The following SLC22A24 variants were observed in gnomAD, a reference collection of about 807,000 sequenced individuals.
The protein encoded by SLC22A24 is solute carrier family 22 member 24.
Under a neutral mutation model 49.8 loss-of-function variants are expected in SLC22A24, and 53 were observed. The ratio of observed to expected loss-of-function variants is 1.06; its 90% CI spans 0.85 to 1.34. The LOEUF (loss-of-function observed/expected upper bound fraction) is 1.34, where lower values mean the gene tolerates loss of function less well. SLC22A24 is among the 40% of genes most tolerant of loss of function. SLC22A24 has a pLI of 0.00. For synonymous variants in SLC22A24, 302 were observed against 256.4 expected (o/e 1.18, Z -1.70); for missense variants, 786 against 675.9 (o/e 1.16, Z -1.81).
At chr11:63,105,909 T>G (rs939871561) in intron 4 of SLC22A24, among the ~76,000 whole-genome samples, 1 of 147,136 alleles carries the variant, frequency 6.8e-6, no homozygotes, top group Non-Finnish European at 1.5e-5. Flanking sequence ...GTTGCCCTTT[T>G]AAAACTGAAT....
intron 6 of SLC22A24, among the ~76,000 whole-genome samples, chr11:63,094,388 C>G (rs1356620774): frequency 6.6e-6 from 1 of 151,958 alleles, no homozygotes; most frequent in African/African-American, 2.4e-5. Context: ...CATTGTTAGA[C>G]ATTTAGATTG....
intron 6 of SLC22A24, among the ~76,000 whole-genome samples, chr11:63,087,030 A>G (rs1260195543): frequency 5.9e-4 from 63 of 106,520 alleles, no homozygotes; most frequent in African/African-American, 9.2e-4. Context: ...GGGCGCACAC[A>G]CACACACACA....
intron 5 of SLC22A24, among the ~76,000 whole-genome samples, chr11:63,099,112 C>G (rs1192011353): frequency 6.6e-6 from 1 of 152,090 alleles, no homozygotes; most frequent in Non-Finnish European, 1.5e-5. Context: ...GACATTGAAG[C>G]CACAATACAA....
intron 2 of SLC22A24, among the ~76,000 whole-genome samples, chr11:63,132,210 T>C (rs887893791): frequency 6.6e-6 from 1 of 152,238 alleles, no homozygotes; most frequent in Non-Finnish European, 1.5e-5. Flanking sequence ...TTAGCTTCCT[T>C]GAAATGGGTT....
chr11:63,133,798 C>A (rs575518123), intron 2 of SLC22A24, among the ~76,000 whole-genome samples: 1 of 152,184 alleles, frequency 6.6e-6, no homozygotes, highest in Non-Finnish European at 1.5e-5. Context: ...GTGCCAGCCA[C>A]CATGCCAGGC....
chr11:63,129,038 T>C (rs1307082336), intron 2 of SLC22A24, among the ~76,000 whole-genome samples: 1 of 152,228 alleles, frequency 6.6e-6, no homozygotes, highest in Non-Finnish European at 1.5e-5. Context: ...GTTTTAGTCA[T>C]GAAGTCTTTG....
intron 4 of SLC22A24, among the ~76,000 whole-genome samples, chr11:63,117,704 T>C (rs2087221456): frequency 6.6e-6 from 1 of 152,228 alleles, no homozygotes; most frequent in Non-Finnish European, 1.5e-5. Context: ...AATAACATTT[T>C]CTTTTCTCTA....
chr11:63,093,436 C>T (rs1490154743), intron 6 of SLC22A24, among the ~76,000 whole-genome samples: 1 of 152,056 alleles, frequency 6.6e-6, no homozygotes, highest in African/African-American at 2.4e-5. Context: ...AGTCTTGGAA[C>T]CAACCCAAAG....
chr11:63,112,367 C>T (rs59715658), intron 4 of SLC22A24, among the ~76,000 whole-genome samples: 16 of 152,116 alleles, frequency 1.1e-4, no homozygotes, highest in African/African-American at 1.4e-4. Context: ...CTATTAGGTC[C>T]GGTTGGTGCA....
chr11:63,138,641 C>CA (rs59726580), intron 1 of SLC22A24, among the ~76,000 whole-genome samples: 5 of 60,766 alleles, frequency 8.2e-5, no homozygotes, highest in African/African-American at 3.3e-4. Context: ...GACTCTGTCT[C>CA]AAAAAAAAAA....
At chr11:63,128,329 T>G (rs1477407502) in intron 2 of SLC22A24, among the ~76,000 whole-genome samples, 1 of 151,952 alleles carries the variant, frequency 6.6e-6, no homozygotes, top group Non-Finnish European at 1.5e-5. Context: ...GGAAGACACC[T>G]GTTACCTAGC....
At chr11:63,123,934 TG>T (rs1208512790) in intron 2 of SLC22A24, among the ~76,000 whole-genome samples, 25 of 152,182 alleles carry the variant, frequency 1.6e-4, no homozygotes, top group Non-Finnish European at 1.6e-4. Flanking sequence ...AAGGTTTTAT[TG>T]TAAAATTCCC....
intron 1 of SLC22A24, among the ~76,000 whole-genome samples, chr11:63,141,682 C>A (rs1219900913): frequency 3.3e-5 from 5 of 152,264 alleles, no homozygotes; most frequent in Admixed American, 2.6e-4. Flanking sequence ...GGGTTCAAAC[C>A]CATGGCTGGG....
chr11:63,088,767 A>C (rs1043620354), intron 6 of SLC22A24, among the ~76,000 whole-genome samples: 13 of 152,214 alleles, frequency 8.5e-5, no homozygotes, highest in African/African-American at 3.1e-4. Context: ...CAGCATGAGA[A>C]CTTCATGAAG....
chr11:63,091,766 T>A (rs545571929), intron 6 of SLC22A24, among the ~76,000 whole-genome samples: 94 of 152,162 alleles, frequency 6.2e-4, no homozygotes, highest in Middle Eastern at 3.4e-3. Flanking sequence ...CTCAAAACAA[T>A]AAGAGCTATT....
chr11:63,111,325 C>T (rs2087162402), intron 4 of SLC22A24, among the ~76,000 whole-genome samples: 1 of 151,986 alleles, frequency 6.6e-6, no homozygotes, highest in African/African-American at 2.4e-5. Flanking sequence ...TTTGTTGTGT[C>T]TCTGCCCGGC....
chr11:63,106,095 C>A (rs2087119884), intron 4 of SLC22A24, among the ~76,000 whole-genome samples: 1 of 130,278 alleles, frequency 7.7e-6, no homozygotes, highest in Non-Finnish European at 1.6e-5. Flanking sequence ...CCCCACCCCA[C>A]AACAGTCCCC....
chr11:63,122,940 A>G lies in SLC22A24; in HGVS notation c.507-3605T>C, dbSNP rs115087555. 3.0e-3 allele frequency among the ~76,000 whole-genome samples: 453 copies of G among 152,264 alleles called. 3 individuals are homozygous for G. The highest frequency in any genetic ancestry group is 9.9e-3 in the African/African-American group (410 of 41,556). On this transcript the variant is annotated intron_variant, in intron 2 of 9. Coordinates refer to ENST00000612278, the MANE Select transcript of SLC22A24 (RefSeq NM_001136506.2). ...GTGATTAGCATACCTATCTTCTCAA[A>G]ACACCTATCATTTCTTTGTGTTGGA...
At chr11:63,087,409 A>G (rs2086993983) in intron 6 of SLC22A24, among the ~76,000 whole-genome samples, 1 of 152,156 alleles carries the variant, frequency 6.6e-6, no homozygotes, top group Non-Finnish European at 1.5e-5. Flanking sequence ...CACTTTTCCT[A>G]CAGTTTTTGC....
Sources: allele counts gnomAD v4.1 joint callset (sites outside exome capture counted in the v4.1 genomes callset), GRCh38; gene constraint gnomAD v4.1.1; transcripts MANE v1.5; gene names NCBI Gene and HGNC (gene_info 2026-07-23, HGNC 2026-07-21).